ARMC2: variants seen among roughly 807,000 people sequenced by gnomAD.
The protein encoded by ARMC2 is armadillo repeat containing 2.
A neutral mutation model predicts 90.3 loss-of-function variants in ARMC2; 67 were observed. The observed-to-expected ratio is 0.74, with a 90% confidence interval of 0.61 to 0.91. The LOEUF (loss-of-function observed/expected upper bound fraction) is 0.91, where lower values mean the gene tolerates loss of function less well. Ranked by LOEUF, ARMC2 falls within the 40% of genes least tolerant of loss-of-function variation. ARMC2 has a pLI of 0.00. For missense variants in ARMC2, 920 were observed against 1,030.9 expected, an observed-to-expected ratio of 0.89 and a Z score of 1.47; for synonymous variants, 393 against 393.0, an observed-to-expected ratio of 1.00 and a Z score of 0.00.
At chr6:108,951,280 C>G (rs188574688) in intron 12 of ARMC2, among the ~76,000 whole-genome samples, 1 of 152,320 alleles carries the variant, frequency 6.6e-6, no homozygotes, top group Non-Finnish European at 1.5e-5. Context: ...AGAAGCTCTT[C>G]ATAGCACTGA....
chr6:108,858,126 G>A, intron 2 of ARMC2, 73 bp from the exon 3 acceptor site: 1 of 1,208,472 alleles, frequency 8.3e-7, no homozygotes, highest in African/African-American at 1.5e-5. Context: ...TTTAGCTAGG[G>A]TTAACTAATA....
chr6:108,935,682 A>C (rs889968455), intron 11 of ARMC2, among the ~76,000 whole-genome samples: 1 of 152,016 alleles, frequency 6.6e-6, no homozygotes, highest in African/African-American at 2.4e-5. Flanking sequence ...GCCTCAAGTG[A>C]TCCTCCTGCC....
chr6:109,001,221 A>G, the ARMC2 span: 1 of 1,331,008 alleles, frequency 7.5e-7, no homozygotes, highest in African/African-American at 1.5e-5. Context: ...TGTTTAAAGC[A>G]TTAACTGTCT....
intron 7 of ARMC2, among the ~76,000 whole-genome samples, chr6:108,902,554 G>A (rs1772254992): frequency 6.6e-6 from 1 of 152,120 alleles, no homozygotes; most frequent in South Asian, 2.1e-4. Flanking sequence ...TTTAAAGTTA[G>A]GCTAAGTCAT....
At chr6:108,873,708 C>G (rs182480131) in intron 4 of ARMC2, among the ~76,000 whole-genome samples, 4 of 152,298 alleles carry the variant, frequency 2.6e-5, no homozygotes, top group Non-Finnish European at 5.9e-5. Context: ...TCACTCCAGA[C>G]TTTTGTTCTC....
the ARMC2 span, among the ~76,000 whole-genome samples, chr6:109,016,704 G>T: frequency 2.0e-5 from 3 of 151,964 alleles, no homozygotes; most frequent in Non-Finnish European, 4.4e-5. Context: ...GTTTATATTT[G>T]CTTATCCATT....
At chr6:108,940,568 T>C (rs1200330187) in intron 12 of ARMC2, among the ~76,000 whole-genome samples, 1 of 152,154 alleles carries the variant, frequency 6.6e-6, no homozygotes, top group African/African-American at 2.4e-5. Context: ...ACCTGCTCTT[T>C]ACTGTACATG....
At chr6:108,906,109 T>G (rs12175050) in intron 8 of ARMC2, among the ~76,000 whole-genome samples, 1 of 152,192 alleles carries the variant, frequency 6.6e-6, no homozygotes, top group Non-Finnish European at 1.5e-5. Context: ...TACTGGCAAA[T>G]GAAAGTTTTC....
At chr6:108,882,362 C>G (rs1777673666) in intron 5 of ARMC2, among the ~76,000 whole-genome samples, 2 of 151,356 alleles carry the variant, frequency 1.3e-5, no homozygotes, top group African/African-American at 4.9e-5. Flanking sequence ...TGGCGTGAAC[C>G]CGGGAGGCAG....
the ARMC2 span, among the ~76,000 whole-genome samples, chr6:109,046,127 T>C: frequency 1.4e-5 from 2 of 147,520 alleles, no homozygotes; most frequent in South Asian, 4.5e-4. Flanking sequence ...CTCCCCACGG[T>C]CTCCCTCTCA....
intron 17 of ARMC2, among the ~76,000 whole-genome samples, chr6:108,968,355 C>G (rs1778519879): frequency 6.6e-6 from 1 of 152,212 alleles, no homozygotes; most frequent in African/African-American, 2.4e-5. Flanking sequence ...TCCAGCCGCT[C>G]CGTTACCTAG....
At chr6:108,871,827 G>T (rs1431442120) in intron 4 of ARMC2, among the ~76,000 whole-genome samples, 1 of 152,198 alleles carries the variant, frequency 6.6e-6, no homozygotes, top group Non-Finnish European at 1.5e-5. Flanking sequence ...CCTCCAAGGT[G>T]CACTGAAGCA....
the ARMC2 span, among the ~76,000 whole-genome samples, chr6:109,036,529 A>G: frequency 2.0e-5 from 3 of 152,190 alleles, no homozygotes; most frequent in Non-Finnish European, 4.4e-5. Flanking sequence ...GTTTGTTTTT[A>G]TCTGAGGTTT....
At chr6:108,973,333 G>A (rs928830076) in intron 17 of ARMC2, 24 bp from the exon 18 acceptor site, 9 of 1,586,072 alleles carry the variant, frequency 5.7e-6, no homozygotes, top group South Asian at 2.3e-5. Context: ...AAATAATGCT[G>A]TAATTTAAAT....
chr6:109,019,837 C>G, the ARMC2 span, among the ~76,000 whole-genome samples: 1 of 152,274 alleles, frequency 6.6e-6, no homozygotes, highest in East Asian at 1.9e-4. Flanking sequence ...ATTCAACTTT[C>G]AAGTATTCAA....
chr6:108,917,408 T>A (rs1176755915), intron 10 of ARMC2, among the ~76,000 whole-genome samples: 1 of 152,126 alleles, frequency 6.6e-6, no homozygotes, highest in Non-Finnish European at 1.5e-5. Context: ...ACCTCATCAG[T>A]CCTTTCCTTC....
the ARMC2 span, chr6:108,998,705 A>G: frequency 1.2e-6 from 2 of 1,613,884 alleles, no homozygotes; most frequent in Non-Finnish European, 1.7e-6. Flanking sequence ...AAACTACTGC[A>G]TGTACCAATT....
At position 108,910,921 on chromosome 6, in the gene ARMC2, T is replaced by A. The variant is rs1298820706; in HGVS notation, c.1046T>A (p.Leu349His). ...ILALKVSRKNLLNVCKLIFKI... is the reference protein window; with the variant it reads ...ILALKVSRKNHLNVCKLIFKI... ...CAGCTTAAAGTGAGTAGAAAGAATCTTCTTAATGTCTGCAAACTTATATTT... is the reference window on the plus strand; with the variant it reads ...CAGCTTAAAGTGAGTAGAAAGAATCATCTTAATGTCTGCAAACTTATATTT... Residue 349 changes from leucine (L) to histidine (H), a missense_variant, in exon 9 of 18, where the codon CTT (leucine) becomes CAT (histidine). Leu to His is a moderately conservative substitution (Grantham distance 99). Coordinates refer to ENST00000392644, the MANE Select transcript of ARMC2 (RefSeq NM_032131.6). 2 of 1,565,092 alleles carry A rather than the reference T, an allele frequency of 1.3e-6. No homozygotes were observed. The highest frequency in any genetic ancestry group is 2.4e-5 in the South Asian group (2 of 81,928).
the ARMC2 span, among the ~76,000 whole-genome samples, chr6:109,029,954 CATT>C: frequency 6.6e-6 from 1 of 152,198 alleles, no homozygotes; most frequent in Admixed American, 6.5e-5. Context: ...GGTTCTTAGA[CATT>C]ATTAACATGA....
Sources: gnomAD v4.1 joint callset for allele counts (sites outside exome capture counted in the v4.1 genomes callset) on GRCh38, gnomAD v4.1.1 for gene constraint, MANE v1.5 for transcripts, NCBI Gene and HGNC (gene_info 2026-07-23, HGNC 2026-07-21) for gene names.